Variants in DIAPH2 observed in about 807,000 individuals in gnomAD.
The protein encoded by DIAPH2 is diaphanous related formin 2.
In DIAPH2, 35 loss-of-function variants were observed where a neutral mutation model predicts 92.7. The ratio of observed to expected loss-of-function variants is 0.38; its 90% CI spans 0.29 to 0.50. DIAPH2 has a LOEUF of 0.50. Ranked by LOEUF, DIAPH2 falls within the 20% of genes least tolerant of loss-of-function variation. The probability of loss-of-function intolerance (pLI) is 0.94; values close to 1 mark genes in which losing one functional copy is unlikely to be tolerated. For synonymous variants in DIAPH2, 301 were observed against 280.4 expected (o/e 1.07, Z -0.73); for missense variants, 701 against 819.5 (o/e 0.86, Z 1.77).
At chrX:96,954,574 T>A (rs2147814483) in intron 15 of DIAPH2, among the ~76,000 whole-genome samples, 1 of 112,091 alleles carries the variant, frequency 8.9e-6, no homozygotes, top group East Asian at 2.8e-4. Flanking sequence ...CAGTCTTTTA[T>A]ATTGGGATGA....
intron 4 of DIAPH2, among the ~76,000 whole-genome samples, chrX:96,852,373 C>A (rs1205359919): frequency 8.9e-6 from 1 of 112,256 alleles, no homozygotes; most frequent in Non-Finnish European, 1.9e-5. Context: ...GTGAAGTTTA[C>A]AGAATTATGT....
intron 1 of DIAPH2, among the ~76,000 whole-genome samples, chrX:96,713,634 C>G (rs2063932397): frequency 1.8e-5 from 2 of 111,695 alleles, no homozygotes; most frequent in African/African-American, 6.5e-5. Flanking sequence ...CTCTATTCAC[C>G]ACCTGTTTAT....
At chrX:97,219,821 A>T (rs1469539584) in intron 22 of DIAPH2, among the ~76,000 whole-genome samples, 1 of 111,811 alleles carries the variant, frequency 8.9e-6, no homozygotes, top group African/African-American at 3.2e-5. Flanking sequence ...TTCATTTTTC[A>T]TCTTACTCAC....
intron 1 of DIAPH2, among the ~76,000 whole-genome samples, chrX:96,695,738 G>C (rs369137104): frequency 1.8e-5 from 2 of 111,291 alleles, no homozygotes; most frequent in Non-Finnish European, 3.8e-5. Context: ...ACTCTGAAGG[G>C]CATCTTATTT....
chrX:97,468,729 A>T (rs774724041), intron 26 of DIAPH2, among the ~76,000 whole-genome samples: 18 of 111,287 alleles, frequency 1.6e-4, no homozygotes, highest in African/African-American at 5.9e-4. Context: ...TGAACATTTA[A>T]CACTAAAACA....
At chrX:97,151,329 G>A (rs1293840225) in intron 22 of DIAPH2, among the ~76,000 whole-genome samples, 2 of 111,736 alleles carry the variant, frequency 1.8e-5, no homozygotes, top group African/African-American at 3.3e-5. Flanking sequence ...GAATAGTGAG[G>A]ATGGTACTAC....
At chrX:96,882,969 A>AAAAAAAAAAAAT (rs2065226025) in intron 5 of DIAPH2, among the ~76,000 whole-genome samples, 1 of 77,020 alleles carries the variant, frequency 1.3e-5, no homozygotes, top group Non-Finnish European at 3.0e-5. Flanking sequence ...CAAAAAAAAA[A>AAAAAAAAAAAAT]AAAAAAAAAA....
chrX:96,709,931 G>A (rs763363550), intron 1 of DIAPH2, among the ~76,000 whole-genome samples: 7 of 111,688 alleles, frequency 6.3e-5, no homozygotes, highest in African/African-American at 9.7e-5. Context: ...ACAGATAAAG[G>A]CATTTATTGA....
chrX:96,714,078 C>T (rs924251076), intron 1 of DIAPH2, among the ~76,000 whole-genome samples: 1 of 110,761 alleles, frequency 9.0e-6, no homozygotes, highest in Non-Finnish European at 1.9e-5. Flanking sequence ...GTAGATATAT[C>T]AAGGATTTTT....
chrX:97,199,695 T>C (rs1428347721), intron 22 of DIAPH2, among the ~76,000 whole-genome samples: 2 of 111,112 alleles, frequency 1.8e-5, no homozygotes, highest in Non-Finnish European at 3.8e-5. Context: ...TAGGGAAACT[T>C]CCTGAAACCT....
At chrX:97,480,249 A>G (rs1051888903) in intron 26 of DIAPH2, among the ~76,000 whole-genome samples, 1 of 111,728 alleles carries the variant, frequency 9.0e-6, no homozygotes, top group African/African-American at 3.3e-5. Context: ...GTAACTGTGG[A>G]AGCATAGACT....
intron 26 of DIAPH2, among the ~76,000 whole-genome samples, chrX:97,467,346 A>G (rs1203035249): frequency 8.9e-6 from 1 of 112,244 alleles, no homozygotes; most frequent in Non-Finnish European, 1.9e-5. Flanking sequence ...TTGTTCAAAG[A>G]TTTGAAATAA....
intron 26 of DIAPH2, among the ~76,000 whole-genome samples, chrX:97,433,665 G>A (rs2070151936): frequency 8.9e-6 from 1 of 112,198 alleles, no homozygotes; most frequent in Admixed American, 9.5e-5. Flanking sequence ...GTCAAAATCA[G>A]AGATTAGGAA....
intron 13 of DIAPH2, among the ~76,000 whole-genome samples, 161 bp downstream of exon 13, chrX:96,942,297 T>C (rs759223654): frequency 2.7e-4 from 30 of 110,896 alleles, no homozygotes; most frequent in African/African-American, 8.5e-4. Context: ...TTGCTGTAAT[T>C]GTTAATTATA....
intron 19 of DIAPH2, among the ~76,000 whole-genome samples, chrX:97,088,451 G>GT (rs964883152): frequency 6.8e-4 from 76 of 112,040 alleles, no homozygotes; most frequent in Middle Eastern, 4.7e-3. Flanking sequence ...AGCATTCTTT[G>GT]TATTGGTCAT....
intron 7 of DIAPH2, among the ~76,000 whole-genome samples, chrX:96,914,846 A>G (rs1441796781): frequency 8.9e-6 from 1 of 111,757 alleles, no homozygotes; most frequent in African/African-American, 3.2e-5. Flanking sequence ...CTTTTGAATT[A>G]TAGACATGTG....
intron 5 of DIAPH2, among the ~76,000 whole-genome samples, chrX:96,899,040 T>C (rs1162088596): frequency 1.8e-5 from 2 of 110,032 alleles, no homozygotes; most frequent in African/African-American, 6.6e-5. Flanking sequence ...TAGTTGTAGA[T>C]ATGCGGCATT....
At chrX:96,924,861 A>G (rs1398809155) in intron 9 of DIAPH2, among the ~76,000 whole-genome samples, 1 of 111,077 alleles carries the variant, frequency 9.0e-6, no homozygotes, top group African/African-American at 3.3e-5. Context: ...CCCATGATCC[A>G]GTCACCTCCC....
At chrX:97,059,790 G>A (rs1304634189) in intron 17 of DIAPH2, among the ~76,000 whole-genome samples, 1 of 111,471 alleles carries the variant, frequency 9.0e-6, no homozygotes, top group Non-Finnish European at 1.9e-5. Context: ...GGCTGAGAAG[G>A]AAGGGGAAGA....
Sources: gnomAD v4.1 joint callset for allele counts (sites outside exome capture counted in the v4.1 genomes callset) on GRCh38, gnomAD v4.1.1 for gene constraint, MANE v1.5 for transcripts, NCBI Gene and HGNC (gene_info 2026-07-23, HGNC 2026-07-21) for gene names.